The following THSD7A variants were observed in gnomAD, a reference collection of about 807,000 sequenced individuals.
THSD7A encodes the protein thrombospondin type-1 domain-containing protein 7A.
THSD7A carries 96 observed loss-of-function variants against 231.3 expected under a neutral mutation model. The ratio of observed to expected loss-of-function variants is 0.41; its 90% CI spans 0.35 to 0.49. The LOEUF (loss-of-function observed/expected upper bound fraction) is 0.49, where lower values mean the gene tolerates loss of function less well. Ranked by LOEUF, THSD7A falls within the 20% of genes least tolerant of loss-of-function variation. The pLI is 0.05. For synonymous variants in THSD7A, 940 were observed against 743.3 expected (o/e 1.26, Z -4.30); for missense variants, 2,290 against 2,070.2 (o/e 1.11, Z -2.06).
chr7:11,375,517 C>G lies in THSD7A; in HGVS notation c.*277G>C, dbSNP rs1047089931. ...TTTTTTAGAGATGAAAGTGGTTTTT[C>G]AGTCGGTAGATTTCAGAAAAGATGA... On this transcript the variant is annotated 3_prime_UTR_variant, in exon 28 of 28. Coordinates refer to ENST00000423059, the MANE Select transcript of THSD7A (RefSeq NM_015204.3). 1 of 267,096 alleles carries G rather than the reference C, an allele frequency of 3.7e-6. No individual in the cohort carries two copies. The highest frequency in any genetic ancestry group is 7.0e-6 in the Non-Finnish European group (1 of 143,182). 16.5% of individuals were successfully genotyped at this position (267,096 alleles called of 1,614,324 possible).
chr7:11,686,690 A>G (rs1180167006), intron 1 of THSD7A, among the ~76,000 whole-genome samples: 1 of 151,912 alleles, frequency 6.6e-6, no homozygotes, highest in Non-Finnish European at 1.5e-5. Context: ...AGCAACATGA[A>G]TGCAGCTGGA....
chr7:11,602,683 G>T (rs1308300774), intron 2 of THSD7A, among the ~76,000 whole-genome samples: 1 of 151,788 alleles, frequency 6.6e-6, no homozygotes, highest in East Asian at 2.0e-4. Flanking sequence ...GAAGGCCTCG[G>T]TCTGATTCCA....
chr7:11,709,309 A>G (rs1030086256), intron 1 of THSD7A, among the ~76,000 whole-genome samples: 1 of 150,800 alleles, frequency 6.6e-6, no homozygotes, highest in African/African-American at 2.4e-5. Context: ...TCTTAAGCAC[A>G]TGAATTTATA....
Position 11,447,413 on chromosome 7 carries a change from G to A in THSD7A, c.2617C>T (p.Arg873Cys), listed in dbSNP as rs888090212. The change falls in exon 12 of 28, where the codon CGC becomes TGC. Residue 873 changes from arginine (R) to cysteine (C), a missense_variant. Arg to Cys is a radical substitution (Grantham distance 180). Coordinates refer to ENST00000423059, the MANE Select transcript of THSD7A (RefSeq NM_015204.3). The part of the protein sequence containing the change: ...PGRQARAITC[R>C]KQDGGQAGIH... ...CCAGCCTGTCCTCCATCTTGCTTGC[G>A]ACAAGTAATGGCTAAAAGAAAAGCA... 1.1e-5 allele frequency: 17 copies of A among 1,563,270 alleles called. No individual in the cohort carries two copies. The highest frequency in any genetic ancestry group is 5.5e-5 in the African/African-American group (4 of 72,394).
At chr7:11,721,937 T>G (rs1781368946) in intron 1 of THSD7A, among the ~76,000 whole-genome samples, 1 of 151,852 alleles carries the variant, frequency 6.6e-6, no homozygotes, top group Admixed American at 6.6e-5. Context: ...TTATATTTTA[T>G]GCACCCCTTC....
At chr7:11,679,507 G>T (rs1191759929) in intron 1 of THSD7A, among the ~76,000 whole-genome samples, 1 of 152,070 alleles carries the variant, frequency 6.6e-6, no homozygotes, top group African/African-American at 2.4e-5. Flanking sequence ...AAAGTCTCAG[G>T]ATACAAAATC....
intron 1 of THSD7A, among the ~76,000 whole-genome samples, chr7:11,689,787 A>C (rs1780175436): frequency 6.7e-6 from 1 of 150,210 alleles, no homozygotes; most frequent in South Asian, 2.1e-4. Flanking sequence ...CAATTAAGAA[A>C]ATTCTCACCC....
At chr7:11,574,061 G>A (rs1057444922) in intron 4 of THSD7A, among the ~76,000 whole-genome samples, 13 of 152,140 alleles carry the variant, frequency 8.5e-5, no homozygotes, top group African/African-American at 3.1e-4. Context: ...GATTAGAGAC[G>A]TCACGTAGAA....
rs773345252 is a variant in THSD7A, at chr7:11,632,327, ATTTGT to A, written c.1022+3798_1022+3802del. 3.1e-4 allele frequency among the ~76,000 whole-genome samples: 47 copies of A among 152,064 alleles called. No homozygotes were observed. Among genetic ancestry groups the A allele is most frequent in the Non-Finnish European group, 6.0e-4 (41 of 68,008 alleles). On this transcript the variant is annotated intron_variant, in intron 2 of 27. Transcript: ENST00000423059. The surrounding 1 kb of genome is among the most constrained non-coding windows in gnomAD (Gnocchi z 4.1). The stretch of plus-strand genomic sequence containing the variant: ...CTTTTATAGTTAAGCATATTTACAT[ATTTGT>A]TTTAAGTTTTCCTTTTGCAAATGAG...
intron 6 of THSD7A, among the ~76,000 whole-genome samples, chr7:11,535,985 C>G (rs1394348219): frequency 6.6e-6 from 1 of 152,092 alleles, no homozygotes; most frequent in Non-Finnish European, 1.5e-5. Flanking sequence ...AAAAGGTACT[C>G]CCCTGATAGA....
chr7:11,531,021 A>C (rs917777301), intron 6 of THSD7A, among the ~76,000 whole-genome samples: 1 of 152,168 alleles, frequency 6.6e-6, no homozygotes, highest in Non-Finnish European at 1.5e-5. Flanking sequence ...AAAAACAAAC[A>C]AACAAGATTT....
chr7:11,765,123 T>TA (rs1297522335), intron 1 of THSD7A, among the ~76,000 whole-genome samples: 2 of 152,154 alleles, frequency 1.3e-5, no homozygotes, highest in Non-Finnish European at 2.9e-5. Context: ...GAGAAACTGA[T>TA]ACTGGAAAAT....
intron 1 of THSD7A, among the ~76,000 whole-genome samples, chr7:11,779,925 C>T (rs1232783652): frequency 6.6e-6 from 1 of 152,220 alleles, no homozygotes; most frequent in Non-Finnish European, 1.5e-5. Context: ...CAAATGCCCT[C>T]AACAATGCAC....
At chr7:11,641,324 T>C (rs1234941292) in intron 1 of THSD7A, among the ~76,000 whole-genome samples, 1 of 152,124 alleles carries the variant, frequency 6.6e-6, no homozygotes, top group Non-Finnish European at 1.5e-5. Flanking sequence ...ATTGCTTCAA[T>C]AATTTTGTTT....
chr7:11,623,034 C>T (rs904786264), intron 2 of THSD7A, among the ~76,000 whole-genome samples: 2 of 152,128 alleles, frequency 1.3e-5, no homozygotes, highest in African/African-American at 4.8e-5. Flanking sequence ...ATTTTGTAAC[C>T]TGGTCAAAAT....
intron 6 of THSD7A, among the ~76,000 whole-genome samples, chr7:11,534,617 G>T (rs1425314744): frequency 1.3e-5 from 2 of 152,122 alleles, no homozygotes; most frequent in Non-Finnish European, 2.9e-5. Context: ...TAAGTTTTGA[G>T]GTGGTTTGTT....
At chr7:11,809,052 A>T (rs981865197) in intron 1 of THSD7A, among the ~76,000 whole-genome samples, 11 of 152,290 alleles carry the variant, frequency 7.2e-5, no homozygotes, top group Admixed American at 3.3e-4. Context: ...TATTTAAGCT[A>T]AATTAAGTTT....
intron 6 of THSD7A, among the ~76,000 whole-genome samples, chr7:11,522,201 C>A (rs1001649700): frequency 6.6e-6 from 1 of 152,164 alleles, no homozygotes; most frequent in African/African-American, 2.4e-5. Flanking sequence ...ATATTCCTTT[C>A]TCTTCTTATT....
intron 1 of THSD7A, among the ~76,000 whole-genome samples, chr7:11,701,200 T>G (rs993762565): frequency 6.6e-6 from 1 of 150,586 alleles, no homozygotes; most frequent in Non-Finnish European, 1.5e-5. Flanking sequence ...GTGTGTTTTA[T>G]GAGGGATGTT....
Sources: allele counts gnomAD v4.1 joint callset (sites outside exome capture counted in the v4.1 genomes callset), GRCh38; gene constraint gnomAD v4.1.1; non-coding constraint Gnocchi (gnomAD v3.1); transcripts MANE v1.5; gene names NCBI Gene and HGNC (gene_info 2026-07-23, HGNC 2026-07-21).